RNFT2: variants seen among roughly 807,000 people sequenced by gnomAD.
RNFT2 encodes the protein ring finger protein, transmembrane 2.
A neutral mutation model predicts 53.0 loss-of-function variants in RNFT2; 36 were observed. The ratio of observed to expected loss-of-function variants is 0.68; its 90% CI spans 0.52 to 0.90. RNFT2 has a LOEUF of 0.90. RNFT2 is among the 40% of genes least tolerant of loss of function. The pLI is 0.00. For synonymous variants in RNFT2, 260 were observed against 253.2 expected (o/e 1.03, Z -0.26); for missense variants, 514 against 585.6 (o/e 0.88, Z 1.26).
intron 7 of RNFT2, among the ~76,000 whole-genome samples, chr12:116,808,023 C>A (rs557812108): frequency 2.6e-5 from 4 of 152,102 alleles, no homozygotes; most frequent in African/African-American, 7.2e-5. Context: ...GGCTGGAGGG[C>A]AATGGCACGA....
chr12:116,841,149 C>T (rs1039675218), intron 10 of RNFT2, among the ~76,000 whole-genome samples: 10 of 152,104 alleles, frequency 6.6e-5, no homozygotes, highest in East Asian at 1.9e-4. Context: ...ACAGTTTTTA[C>T]GGGTCAAGAA....
At chr12:116,833,553 C>T (rs1192779512) in intron 7 of RNFT2, among the ~76,000 whole-genome samples, 3 of 152,202 alleles carry the variant, frequency 2.0e-5, no homozygotes, top group African/African-American at 7.2e-5. Context: ...ACTCGATCCT[C>T]AATCCTGGGC....
chr12:116,755,604 C>T (rs2137082581), intron 5 of RNFT2: 1 of 923,974 alleles, frequency 1.1e-6, no homozygotes, highest in South Asian at 1.3e-5. Context: ...TCAATATGCA[C>T]ATTAATTCTC....
In RNFT2 at chr12:116,750,121, CG is replaced by C; in HGVS notation, c.365del (p.Arg122ProfsTer35). On this transcript the variant is annotated frameshift_variant, in exon 4 of 11. Coordinates refer to ENST00000257575, the MANE Select transcript of RNFT2 (RefSeq NM_001382266.1). LOFTEE classifies it high-confidence loss of function. ...CCACCATTTCCACCATGGCGGCCAC[CG>C]CGGGGGCTCCCTGCTGCAGCACGTG... ...PHHHFHHGGH[R>X]GGSLLQHVGG... 1 of 1,569,558 alleles carries C rather than the reference CG, an allele frequency of 6.4e-7. No homozygotes were observed. The highest frequency in any genetic ancestry group is 1.2e-5 in the South Asian group (1 of 86,532).
chr12:116,821,796 T>A (rs944237847), intron 7 of RNFT2, among the ~76,000 whole-genome samples: 1 of 133,732 alleles, frequency 7.5e-6, no homozygotes, highest in African/African-American at 2.7e-5. Flanking sequence ...TTCTGACTAC[T>A]TGTTTCTTTT....
At chr12:116,785,558 C>T (rs1021780645) in intron 7 of RNFT2, among the ~76,000 whole-genome samples, 1 of 152,132 alleles carries the variant, frequency 6.6e-6, no homozygotes, top group Non-Finnish European at 1.5e-5. Flanking sequence ...TTCCAAAGTA[C>T]TTGTGTAATT....
At chr12:116,779,376 GC>G (rs772251219) in intron 7 of RNFT2, 28 bp downstream of exon 7, 27 of 1,613,094 alleles carry the variant, frequency 1.7e-5, no homozygotes, top group East Asian at 1.6e-4. Flanking sequence ...CCACAAGGTA[GC>G]CCCAGTCACA....
intron 5 of RNFT2, 37 bp from the exon 6 acceptor site, chr12:116,766,777 C>T (rs1291259128): frequency 6.1e-6 from 9 of 1,475,722 alleles, no homozygotes; most frequent in Non-Finnish European, 8.4e-6. Context: ...CTGCCACATG[C>T]ACCTTTGATA....
chr12:116,760,430 T>C (rs1872652814), intron 5 of RNFT2, among the ~76,000 whole-genome samples: 1 of 152,236 alleles, frequency 6.6e-6, no homozygotes, highest in South Asian at 2.1e-4. Context: ...TGTGGAGTTT[T>C]AGCCCTTGCT....
intron 6 of RNFT2, among the ~76,000 whole-genome samples, chr12:116,768,636 G>C (rs1334325563): frequency 6.6e-6 from 1 of 151,968 alleles, no homozygotes; most frequent in Middle Eastern, 3.2e-3. Context: ...ATGCAATTAT[G>C]TACAGTACCT....
intron 7 of RNFT2, among the ~76,000 whole-genome samples, chr12:116,806,379 AAAAT>A (rs1361203636): frequency 3.2e-4 from 42 of 129,890 alleles, no homozygotes; most frequent in East Asian, 1.2e-3. Flanking sequence ...AAAAAAAAAA[AAAAT>A]ATATATATAT....
intron 7 of RNFT2, among the ~76,000 whole-genome samples, chr12:116,805,324 G>A (rs57392634): frequency 8.8e-4 from 134 of 152,020 alleles, no homozygotes; most frequent in Middle Eastern, 3.4e-3. Flanking sequence ...GACAAGGTTC[G>A]CCAGAGAAAC....
intron 7 of RNFT2, among the ~76,000 whole-genome samples, chr12:116,828,917 G>T (rs746621497): frequency 8.5e-5 from 13 of 152,050 alleles, no homozygotes; most frequent in Non-Finnish European, 1.6e-4. Context: ...AGCCAAGCTG[G>T]CAGGAGGATC....
intron 5 of RNFT2, among the ~76,000 whole-genome samples, chr12:116,763,381 C>T (rs554108806): frequency 1.6e-4 from 25 of 152,246 alleles, no homozygotes; most frequent in East Asian, 7.7e-4. Flanking sequence ...TAATAGATGT[C>T]GGCATGAATG....
chr12:116,738,540 C>T (rs1871429978), intron 1 of RNFT2, 170 bp downstream of exon 1: 1 of 152,080 alleles, frequency 6.6e-6, no homozygotes, highest in Non-Finnish European at 1.5e-5. Flanking sequence ...GTGATGCAGG[C>T]GATGCTCCTC....
intron 7 of RNFT2, among the ~76,000 whole-genome samples, chr12:116,781,592 C>T (rs1406865149): frequency 3.3e-5 from 5 of 151,558 alleles, no homozygotes; most frequent in African/African-American, 1.2e-4. Context: ...CTCCTCTCTC[C>T]CTCTCCCTCC....
chr12:116,840,167 C>T (rs1219014434), intron 10 of RNFT2, among the ~76,000 whole-genome samples: 6 of 152,148 alleles, frequency 3.9e-5, no homozygotes, highest in African/African-American at 1.2e-4. Flanking sequence ...TGGTTTTTTG[C>T]ATGTTTTATG....
intron 7 of RNFT2, among the ~76,000 whole-genome samples, chr12:116,792,472 G>A (rs918233326): frequency 8.5e-5 from 13 of 152,166 alleles, no homozygotes; most frequent in African/African-American, 3.1e-4. Context: ...TGCTAGGGCC[G>A]AGGAGGCGGG....
intron 6 of RNFT2, among the ~76,000 whole-genome samples, chr12:116,768,779 G>A (rs1873035125): frequency 6.7e-6 from 1 of 149,008 alleles, no homozygotes; most frequent in Non-Finnish European, 1.5e-5. Flanking sequence ...CGCCCAGGCT[G>A]GAGTGCAGTG....
Sources: gnomAD v4.1 joint callset for allele counts (sites outside exome capture counted in the v4.1 genomes callset) on GRCh38, gnomAD v4.1.1 for gene constraint, MANE v1.5 for transcripts, NCBI Gene and HGNC (gene_info 2026-07-23, HGNC 2026-07-21) for gene names.